The following NUP133 variants were observed in gnomAD, a reference collection of about 807,000 sequenced individuals.
NUP133 encodes nucleoporin 133.
Under a neutral mutation model 146.2 loss-of-function variants are expected in NUP133, and 66 were observed. That is an observed-to-expected ratio of 0.45 (90% CI 0.37 to 0.55). The LOEUF is 0.55. Ranked by LOEUF, NUP133 falls within the 20% of genes least tolerant of loss-of-function variation. NUP133 has a pLI of 0.00. For missense variants in NUP133, 1,277 were observed against 1,374.8 expected, an observed-to-expected ratio of 0.93 and a Z score of 1.12; for synonymous variants, 521 against 498.8, an observed-to-expected ratio of 1.04 and a Z score of -0.59.
At position 229,441,376 on chromosome 1, in the gene NUP133, CAT is replaced by C. The variant is rs954241637; in HGVS notation, c.*526_*527del. On this transcript the variant is annotated 3_prime_UTR_variant, in exon 26 of 26. Transcript: ENST00000261396. ...ATGAGTTCATCAGTTATCAAGCTCA[CAT>C]GAGTTAGGCCCACTCTCCTTTGGTT... is the stretch of plus-strand genomic sequence containing the variant. 5.7e-6 allele frequency: 3 copies of C among 529,830 alleles called. No individual in the cohort carries two copies. The African/African-American group carries it at 5.8e-5, about 10-fold the overall frequency. 32.8% of individuals were successfully genotyped at this position (529,830 alleles called of 1,614,324 possible).
intron 16 of NUP133, 117 bp downstream of exon 16, chr1:229,466,517 C>T: frequency 9.5e-7 from 1 of 1,057,402 alleles, no homozygotes; most frequent in Non-Finnish European, 1.3e-6. Context: ...TTGGGATTAA[C>T]AAATGTCTAC....
At chr1:229,465,892 CA>C (rs71561801) in intron 16 of NUP133, among the ~76,000 whole-genome samples, 1,591 of 77,322 alleles carry the variant, frequency 0.021, 12 homozygotes, top group African/African-American at 0.059. Flanking sequence ...CCATGTCTCA[CA>C]AAAAAAAAAA....
chr1:229,482,003 A>G (rs1180161301), intron 12 of NUP133, among the ~76,000 whole-genome samples: 1 of 152,234 alleles, frequency 6.6e-6, no homozygotes, highest in East Asian at 1.9e-4. Flanking sequence ...ATTATCATTT[A>G]CATTTTGAGA....
At chr1:229,488,831 A>G (rs1034566566) in intron 9 of NUP133, among the ~76,000 whole-genome samples, 4 of 152,218 alleles carry the variant, frequency 2.6e-5, no homozygotes, top group African/African-American at 9.7e-5. Context: ...CAAGCAACAC[A>G]GCAAGACTTT....
intron 2 of NUP133, among the ~76,000 whole-genome samples, chr1:229,502,890 T>C (rs61824306): frequency 0.055 from 8,295 of 151,712 alleles, 248 homozygotes; most frequent in Non-Finnish European, 0.073. Context: ...GCCCAGGAGA[T>C]TGAAGCTGCA....
chr1:229,474,754 A>T (rs1360138624), intron 14 of NUP133, among the ~76,000 whole-genome samples: 2 of 152,154 alleles, frequency 1.3e-5, no homozygotes, highest in Non-Finnish European at 2.9e-5. Flanking sequence ...AATCTCCTTA[A>T]CATAAAAAAT....
chr1:229,459,075 T>C (rs1310970365), intron 20 of NUP133, among the ~76,000 whole-genome samples: 1 of 152,220 alleles, frequency 6.6e-6, no homozygotes, highest in African/African-American at 2.4e-5. Context: ...TATATGTATG[T>C]GATGTGGAAT....
chr1:229,463,672 T>C lies in NUP133; in HGVS notation c.2556A>G (p.Ser852=), dbSNP rs375923404. Residue 852 remains serine, a synonymous_variant, in exon 19 of 26, where the codon TCA becomes TCG. Transcript: ENST00000261396. ...AAGCAGCCCACAGGTACTGGCCTAG[T>C]GAAACTGTGGGAATGAGAAAAGATG... is the stretch of plus-strand genomic sequence containing the variant. ...KRSDLLSPLL[S]LGQYLWAASL... 6.2e-6 allele frequency: 10 copies of C among 1,602,224 alleles called. No individual in the cohort carries two copies. Among genetic ancestry groups the C allele is most frequent in the Non-Finnish European group, 1.7e-6 (2 of 1,176,978 alleles).
At chr1:229,447,274 CTAAA>C (rs1187837318) in intron 24 of NUP133, among the ~76,000 whole-genome samples, 15 of 152,250 alleles carry the variant, frequency 9.9e-5, no homozygotes, top group Non-Finnish European at 2.1e-4. Context: ...AAGACCAAGA[CTAAA>C]TAAATATTAC....
At chr1:229,492,107 A>ATT (rs200318942) in intron 8 of NUP133, among the ~76,000 whole-genome samples, 5 of 140,338 alleles carry the variant, frequency 3.6e-5, no homozygotes, top group African/African-American at 1.0e-4. Context: ...TACTAGCAAC[A>ATT]TTTTTTTTTT....
Position 229,466,706 on chromosome 1 carries a change from T to C in NUP133, c.2127A>G (p.Gln709=). 1 of 1,613,816 alleles carries C rather than the reference T, an allele frequency of 6.2e-7. No homozygotes were observed. The highest frequency in any genetic ancestry group is 1.3e-5 in the African/African-American group (1 of 75,046). ...ICECLLEHEE[Q]VLRDAPMDSI... is the part of the protein sequence containing the mutation. Reference sequence around the variant, plus strand: ...AATCCATAGGTGCATCCCTCAAGACTTGCTCCTCATGCTCCAGTAAGCACT... The same window carrying C: ...AATCCATAGGTGCATCCCTCAAGACCTGCTCCTCATGCTCCAGTAAGCACT... Residue 709 remains glutamine (Q), a synonymous_variant, in exon 16 of 26, where the codon CAA becomes CAG. Transcript: ENST00000261396.
chr1:229,465,892 C>CAAAAAAAAAA (rs71561801), intron 16 of NUP133, among the ~76,000 whole-genome samples: 4 of 77,144 alleles, frequency 5.2e-5, no homozygotes, highest in African/African-American at 1.3e-4. Flanking sequence ...CCATGTCTCA[C>CAAAAAAAAAA]AAAAAAAAAA....
Position 229,444,895 on chromosome 1 carries a change from A to G in NUP133, c.3334+19T>C. The stretch of plus-strand genomic sequence containing the variant: ...GAATGACACTGTAATTTCCAACGGT[A>G]TAGTAACAAACCACTTACCATCTTT... On this transcript the variant is annotated intron_variant, in intron 25 of 25. Coordinates refer to ENST00000261396, the MANE Select transcript of NUP133 (RefSeq NM_018230.3). 1 of 1,525,244 alleles carries G rather than the reference A, an allele frequency of 6.6e-7. No homozygotes were observed. The highest frequency in any genetic ancestry group is 9.1e-7 in the Non-Finnish European group (1 of 1,104,908). The allele number at this position is 1,525,244 out of a possible 1,614,324, so 94.5% of individuals were successfully genotyped here. A position where few individuals can be genotyped will look rare whatever the true frequency, so the allele number is the denominator to read the frequency against.
At position 229,466,652 on chromosome 1, in the gene NUP133, A is replaced by G. The variant is rs2102759533; in HGVS notation, c.2181T>C (p.Asn727=). 1 of 1,614,102 alleles carries G rather than the reference A, an allele frequency of 6.2e-7. No individual in the cohort carries two copies. Reference sequence around the variant, plus strand: ...TTTGTACCTTGAGAATATTGTTCACATTGATCACCACTTCAGCCCATTCAA... The same window carrying G: ...TTTGTACCTTGAGAATATTGTTCACGTTGATCACCACTTCAGCCCATTCAA... ...DSIEWAEVVI[N]VNNILKDMLQ... is the part of the protein sequence containing the mutation. The change falls in exon 16 of 26, where the codon AAT becomes AAC. Residue 727 remains asparagine, a synonymous_variant. Transcript: ENST00000261396.
intron 14 of NUP133, among the ~76,000 whole-genome samples, chr1:229,472,116 G>A (rs553669771): frequency 1.3e-5 from 2 of 150,272 alleles, no homozygotes; most frequent in Admixed American, 6.6e-5. Context: ...TCAGGAGATC[G>A]AGACCATCCT....
Position 229,466,871 on chromosome 1 carries a change from A to C in NUP133, c.2077-115T>G, listed in dbSNP as rs1463699755. The C allele has an allele frequency of 6.5e-6, 5 of 769,012 alleles. No homozygotes were observed. The East Asian group carries it at 1.5e-4, about 23-fold the overall frequency. The allele number at this position is 769,012 out of a possible 1,614,324, so 47.6% of individuals were successfully genotyped here. On this transcript the variant is annotated intron_variant, in intron 15 of 25. Transcript: ENST00000261396. Reference sequence around the variant, plus strand: ...TCCTCAGACCTATAGATGGAGGAAAATTTATTGGCAGTTGATGGTAAAAAT... The same window carrying C: ...TCCTCAGACCTATAGATGGAGGAAACTTTATTGGCAGTTGATGGTAAAAAT...
chr1:229,508,302 G>A lies in NUP133; in HGVS notation c.-53C>T, dbSNP rs1571947377. The stretch of plus-strand genomic sequence containing the variant: ...CGAGGGATCTGGCCGTCAGGTTGCA[G>A]CCTGGCCTGCGCGCGGAACTTAAAC... On this transcript the variant is annotated 5_prime_UTR_variant, in exon 1 of 26. Coordinates refer to ENST00000261396, the MANE Select transcript of NUP133 (RefSeq NM_018230.3). The A allele has an allele frequency of 2.3e-6, 3 of 1,325,918 alleles. No individual in the cohort carries two copies. The highest frequency in any genetic ancestry group is 3.1e-5 in the African/African-American group (2 of 64,856). The allele number at this position is 1,325,918 out of a possible 1,614,324, so 82.1% of individuals were successfully genotyped here. A position where few individuals can be genotyped will look rare whatever the true frequency, so the allele number is the denominator to read the frequency against.
At chr1:229,460,510 G>C in intron 20 of NUP133, 101 bp downstream of exon 20, 1 of 1,180,634 alleles carries the variant, frequency 8.5e-7, no homozygotes. Context: ...CCCCTTCTCA[G>C]GTATATGACA....
At chr1:229,499,101 T>C in intron 5 of NUP133, 3 of 440,950 alleles carry the variant, frequency 6.8e-6, no homozygotes, top group South Asian at 1.6e-5. Flanking sequence ...AGTTTTGTTT[T>C]ATGGCGCAGG....
Sources: gnomAD v4.1 joint callset for allele counts (sites outside exome capture counted in the v4.1 genomes callset) on GRCh38, gnomAD v4.1.1 for gene constraint, MANE v1.5 for transcripts, NCBI Gene and HGNC (gene_info 2026-07-23, HGNC 2026-07-21) for gene names.